Variants in ATP13A3 observed in about 807,000 individuals in gnomAD.
ATP13A3 encodes the protein polyamine-transporting ATPase 13A3.
ATP13A3 carries 59 observed loss-of-function variants against 158.1 expected under a neutral mutation model. The ratio of observed to expected loss-of-function variants is 0.37; its 90% CI spans 0.30 to 0.46. The LOEUF (loss-of-function observed/expected upper bound fraction) is 0.46. Among genes scored for constraint, ATP13A3 ranks in the 20% least tolerant of loss-of-function variants. The pLI, the probability that ATP13A3 is intolerant of heterozygous loss-of-function variation, is 1.00. For missense variants in ATP13A3, 1,166 were observed against 1,525.2 expected, an observed-to-expected ratio of 0.76 and a Z score of 3.92; for synonymous variants, 491 against 504.3, an observed-to-expected ratio of 0.97 and a Z score of 0.35.
At position 194,460,777 on chromosome 3, in the gene ATP13A3, C is replaced by A. The variant is rs1042480191; in HGVS notation, c.106G>T (p.Val36Leu). 22 of 1,614,136 alleles carry A rather than the reference C, an allele frequency of 1.4e-5. No homozygotes were observed. Among genetic ancestry groups the A allele is most frequent in the Non-Finnish European group, 1.9e-5 (22 of 1,180,012 alleles). The stretch of plus-strand genomic sequence containing the variant: ...AGGAGAAACCCACCAGAGCAAATCA[C>A]TCCTAAAGAAACTATGGCAAGCTTC... ...RWKLAIVSLG[V>L]ICSGGFLLLL... is the part of the protein sequence containing the mutation. Residue 36 changes from valine to leucine, a missense_variant, in exon 4 of 34, where the codon GTG (valine) becomes TTG (leucine). Coordinates refer to ENST00000645319, the MANE Select transcript of ATP13A3 (RefSeq NM_001367549.1).
At chr3:194,413,966 T>G (rs1348235730) in intron 31 of ATP13A3, 127 bp from the exon 32 acceptor site, 15 of 783,232 alleles carry the variant, frequency 1.9e-5, no homozygotes, top group Non-Finnish European at 3.1e-5. Context: ...ATTATCTACT[T>G]AATCCTCAAC....
At chr3:194,477,667 A>C (rs1720583381) in intron 2 of ATP13A3, among the ~76,000 whole-genome samples, 1 of 152,210 alleles carries the variant, frequency 6.6e-6, no homozygotes, top group Admixed American at 6.5e-5. Flanking sequence ...TGAATCACTA[A>C]GAAACAAAAT....
Position 194,431,857 on chromosome 3 carries a change from C to T in ATP13A3, c.2281G>A (p.Asp761Asn). 1.2e-6 allele frequency: 2 copies of T among 1,606,862 alleles called. No individual in the cohort carries two copies. Among genetic ancestry groups the T allele is most frequent in the East Asian group, 2.2e-5 (1 of 44,652 alleles). ...TCCTGAGGTAGAATCATTCCACAAT[C>T]TCTGGCCACAGAGACAGCAGTCAAC... ...SMLTAVSVARDCGMILPQDKV... is the reference protein window; with the variant it reads ...SMLTAVSVARNCGMILPQDKV... Residue 761 changes from aspartate (D) to asparagine (N), a missense_variant, in exon 22 of 34, where the codon GAT becomes AAT. By Grantham distance (23) the Asp-to-Asn change is conservative (BLOSUM62 1). Coordinates refer to ENST00000645319, the MANE Select transcript of ATP13A3 (RefSeq NM_001367549.1).
At position 194,472,434 on chromosome 3, in the gene ATP13A3, A is replaced by G. The variant is rs146946073; in HGVS notation, c.-46-10198T>C. On this transcript the variant is annotated intron_variant, in intron 2 of 33. Transcript: ENST00000645319. Reference sequence around the variant, plus strand: ...ATCAACCAAAAAGGTTTTGAGCTACACAAGCATAGCCTTTGTATATGGCCT... The same window carrying G: ...ATCAACCAAAAAGGTTTTGAGCTACGCAAGCATAGCCTTTGTATATGGCCT... 2.9e-3 allele frequency among the ~76,000 whole-genome samples: 448 copies of G among 152,320 alleles called. 1 individual carries two copies. The highest frequency in any genetic ancestry group is 0.01 in the African/African-American group (430 of 41,576).
chr3:194,403,695 C>T lies in ATP13A3; in HGVS notation c.*2224G>A. 6.4e-6 allele frequency: 1 copy of T among 155,284 alleles called. No individual in the cohort carries two copies. The allele number at this position is 155,284 out of a possible 1,614,324, so 9.6% of individuals were successfully genotyped here. On this transcript the variant is annotated 3_prime_UTR_variant, in exon 34 of 34. Transcript: ENST00000645319. Reference sequence around the variant, plus strand: ...ATCAAAATTACTATGTAATGGTAACCTACGAGAGAAGACTCAGTCTATCTA... The same window carrying T: ...ATCAAAATTACTATGTAATGGTAACTTACGAGAGAAGACTCAGTCTATCTA...
intron 2 of ATP13A3, among the ~76,000 whole-genome samples, chr3:194,479,614 G>A (rs546356387): frequency 2.0e-5 from 3 of 151,002 alleles, no homozygotes; most frequent in South Asian, 4.2e-4. Flanking sequence ...AAAAATCTTC[G>A]GTCTATAAGG....
intron 29 of ATP13A3, among the ~76,000 whole-genome samples, chr3:194,426,426 T>C (rs1208307119): frequency 6.6e-6 from 1 of 152,226 alleles, no homozygotes; most frequent in Non-Finnish European, 1.5e-5. Context: ...TAATTTATTT[T>C]TCCCCTTAAG....
chr3:194,447,618 C>T (rs1295261565), intron 13 of ATP13A3, among the ~76,000 whole-genome samples: 3 of 151,092 alleles, frequency 2.0e-5, no homozygotes, highest in Non-Finnish European at 4.4e-5. Context: ...AGTAAAAGAC[C>T]ATCTAAACCA....
intron 2 of ATP13A3, among the ~76,000 whole-genome samples, chr3:194,492,790 A>T (rs1297525513): frequency 6.6e-6 from 1 of 152,178 alleles, no homozygotes; most frequent in Non-Finnish European, 1.5e-5. Flanking sequence ...ATTACTTATA[A>T]TACGATGTAA....
chr3:194,450,177 C>T lies in ATP13A3; in HGVS notation c.938G>A (p.Gly313Asp). 6.2e-7 allele frequency: 1 copy of T among 1,613,894 alleles called. No homozygotes were observed. Among genetic ancestry groups the T allele is most frequent in the East Asian group, 2.2e-5 (1 of 44,862 alleles). Reference sequence around the variant, plus strand: ...CATGCTTTCGTTTACAATGCAGGTACCATTAATAAGCACAGCATCACAAGG... The same window carrying T: ...CATGCTTTCGTTTACAATGCAGGTATCATTAATAAGCACAGCATCACAAGG... ...IMPCDAVLIN[G>D]TCIVNESMLT... The change falls in exon 11 of 34, where the codon GGT becomes GAT. Residue 313 changes from glycine (G) to aspartate (D), a missense_variant. Coordinates refer to ENST00000645319, the MANE Select transcript of ATP13A3 (RefSeq NM_001367549.1).
chr3:194,479,784 GA>G (rs1433005821), intron 2 of ATP13A3, among the ~76,000 whole-genome samples: 3 of 151,964 alleles, frequency 2.0e-5, no homozygotes, highest in Non-Finnish European at 4.4e-5. Flanking sequence ...TACAATTACA[GA>G]TAGTTTTAAA....
At position 194,431,702 on chromosome 3, in the gene ATP13A3, C is replaced by T. The variant is rs374739611; in HGVS notation, c.2421+15G>A. On this transcript the variant is annotated intron_variant, in intron 22 of 33. Coordinates refer to ENST00000645319, the MANE Select transcript of ATP13A3 (RefSeq NM_001367549.1). The stretch of plus-strand genomic sequence containing the variant: ...ATCAACAAACTTTAAAACGGACAGT[C>T]GATCTTGACCTTACCTCTGGGTCAA... 88 of 1,506,746 alleles carry T rather than the reference C, an allele frequency of 5.8e-5. No individual in the cohort carries two copies. The highest frequency in any genetic ancestry group is 7.3e-5 in the Non-Finnish European group (82 of 1,127,322). 93.3% of individuals were successfully genotyped at this position (1,506,746 alleles called of 1,614,324 possible).
chr3:194,450,494 C>T, intron 10 of ATP13A3: 1 of 493,318 alleles, frequency 2.0e-6, no homozygotes, highest in Admixed American at 3.3e-5. Flanking sequence ...ACCAGCTGTG[C>T]ACCGGTGATG....
chr3:194,403,049 T>C lies in ATP13A3; in HGVS notation c.*2870A>G, dbSNP rs967741801. 6.6e-6 allele frequency: 1 copy of C among 152,238 alleles called. No homozygotes were observed. Among genetic ancestry groups the C allele is most frequent in the Non-Finnish European group, 1.5e-5 (1 of 68,048 alleles). 9.4% of individuals were successfully genotyped at this position (152,238 alleles called of 1,614,324 possible). The stretch of plus-strand genomic sequence containing the variant: ...CCACCATAAATATACAAAAACCTAT[T>C]TTTAGATATGTCAAAATTGCATGCA... On this transcript the variant is annotated 3_prime_UTR_variant, in exon 34 of 34. Coordinates refer to ENST00000645319, the MANE Select transcript of ATP13A3 (RefSeq NM_001367549.1).
intron 22 of ATP13A3, among the ~76,000 whole-genome samples, 176 bp downstream of exon 22, chr3:194,431,541 T>C (rs1577048323): frequency 6.6e-6 from 1 of 152,232 alleles, no homozygotes; most frequent in Non-Finnish European, 1.5e-5. Flanking sequence ...AATTTGAACA[T>C]TGAGATTCCT....
chr3:194,404,174 G>A lies in ATP13A3; in HGVS notation c.*1745C>T, dbSNP rs1254952656. The A allele has an allele frequency of 2.3e-6, 1 of 442,660 alleles. No individual in the cohort carries two copies. Among genetic ancestry groups the A allele is most frequent in the Non-Finnish European group, 4.5e-6 (1 of 223,136 alleles). 27.4% of individuals were successfully genotyped at this position (442,660 alleles called of 1,614,324 possible). On this transcript the variant is annotated 3_prime_UTR_variant, in exon 34 of 34. Transcript: ENST00000645319. ...AATAGTGCTAATTCACAGCTCAAGA[G>A]GTCTAAGATGCATAGCTTCATAGAA...
At chr3:194,425,979 A>G (rs1716742034) in intron 29 of ATP13A3, among the ~76,000 whole-genome samples, 1 of 152,208 alleles carries the variant, frequency 6.6e-6, no homozygotes, top group Non-Finnish European at 1.5e-5. Context: ...CGGTGCTGAG[A>G]TGTCCCTCAA....
In ATP13A3 at chr3:194,479,074, G is replaced by A. The variant is rs902466006; in HGVS notation, c.-47+6720C>T. On this transcript the variant is annotated intron_variant, in intron 2 of 33. Coordinates refer to ENST00000645319, the MANE Select transcript of ATP13A3 (RefSeq NM_001367549.1). ...GAAGAATAGTGAGTCACTATGGGCC[G>A]CACCAGAGATTAGAAAGGATTGGGG... Among the ~76,000 whole-genome samples the A allele has an allele frequency of 2.6e-5, 4 of 152,096 alleles. No individual in the cohort carries two copies. The South Asian group carries it at 6.2e-4, about 24-fold the overall frequency.
At chr3:194,455,411 T>C (rs1482014058) in intron 8 of ATP13A3, among the ~76,000 whole-genome samples, 3 of 152,180 alleles carry the variant, frequency 2.0e-5, no homozygotes, top group African/African-American at 7.2e-5. Flanking sequence ...AAAAACTTAT[T>C]CCAAGTTTAT....
Sources: allele counts gnomAD v4.1 joint callset (sites outside exome capture counted in the v4.1 genomes callset), GRCh38; gene constraint gnomAD v4.1.1; transcripts MANE v1.5; gene names NCBI Gene and HGNC (gene_info 2026-07-23, HGNC 2026-07-21).